Variants in DNASE1 observed in about 807,000 individuals in gnomAD.
DNASE1 encodes deoxyribonuclease 1.
In DNASE1, 40 loss-of-function variants were observed where a neutral mutation model predicts 33.9. The observed-to-expected ratio is 1.18, with a 90% CI of 0.92 to 1.54. The LOEUF (loss-of-function observed/expected upper bound fraction) is 1.54. Ranked by LOEUF, DNASE1 falls within the 40% of genes most tolerant of loss-of-function variation. The probability of loss-of-function intolerance (pLI) is 0.00; values close to 1 mark genes in which losing one functional copy is unlikely to be tolerated. For synonymous variants in DNASE1, 216 were observed against 160.0 expected, an observed-to-expected ratio of 1.35 and a Z score of -2.64; for missense variants, 518 against 372.6, an observed-to-expected ratio of 1.39 and a Z score of -3.21.
chr16:3,657,614 A>G, intron 7 of DNASE1, 106 bp from the exon 8 acceptor site: 3 of 1,488,890 alleles, frequency 2.0e-6, no homozygotes, highest in Non-Finnish European at 1.8e-6. Context: ...GGGCACCCAC[A>G]GACCTGCACT....
chr16:3,640,162 G>C (rs1199480023), upstream of DNASE1, among the ~76,000 whole-genome samples: 1 of 152,194 alleles, frequency 6.6e-6, no homozygotes, highest in Non-Finnish European at 1.5e-5. Context: ...AATATTCCCT[G>C]TGTGAACTCT....
intron 4 of DNASE1, among the ~76,000 whole-genome samples, chr16:3,656,414 G>C (rs902841909): frequency 8.0e-6 from 1 of 125,712 alleles, no homozygotes; most frequent in Non-Finnish European, 1.7e-5. Flanking sequence ...TTGAGCAGGT[G>C]CCTGGCTCCC....
downstream of DNASE1, chr16:3,662,132 C>T (rs202172023): frequency 1.9e-6 from 3 of 1,610,800 alleles, no homozygotes; most frequent in East Asian, 6.7e-5. Context: ...CGGAGGGTCA[C>T]CTGTGAGCAA....
chr16:3,662,342 T>TCCA (rs1293496725), downstream of DNASE1: 19 of 643,768 alleles, frequency 3.0e-5, no homozygotes, highest in Admixed American at 2.7e-4. Flanking sequence ...CCCGAGGGGC[T>TCCA]CCACCACCCT....
Position 3,657,022 on chromosome 16 carries a change from C to G in DNASE1, c.460C>G (p.Pro154Ala), listed in dbSNP as rs1799891. Residue 154 changes from proline to alanine, a missense_variant, in exon 6 of 9, where the codon CCC (proline) becomes GCC (alanine). Transcript: ENST00000246949. ...AGAGGTCAGGGAGTTTGCCATTGTT[C>G]CCCTGCATGCGGCCCCGGGGGACGC... ...FTEVREFAIV[P>A]LHAAPGDAVA... is the part of the protein sequence containing the mutation. 1.7e-3 allele frequency: 2,665 copies of G among 1,613,764 alleles called. 47 individuals carry two copies. In the Admixed American group the frequency reaches 0.028, roughly 17 times the overall value.
intron 1 of DNASE1, 36 bp downstream of exon 1, chr16:3,655,080 C>T (rs540530082): frequency 1.4e-5 from 8 of 586,582 alleles, no homozygotes; most frequent in East Asian, 1.1e-4. Flanking sequence ...GGTGACTGGC[C>T]GGTTTGGAGC....
intron 1 of DNASE1, among the ~76,000 whole-genome samples, chr16:3,645,348 A>G (rs138553102): frequency 6.6e-6 from 1 of 152,084 alleles, no homozygotes; most frequent in Non-Finnish European, 1.5e-5. Flanking sequence ...ATTACTTTTC[A>G]TTGCGACCCT....
At chr16:3,627,715 CA>C (rs1195258937) in intron 1 of DNASE1, among the ~76,000 whole-genome samples, 2 of 152,048 alleles carry the variant, frequency 1.3e-5, no homozygotes, top group African/African-American at 4.8e-5. Context: ...ATCATTTGAC[CA>C]TATATGCCAG....
intron 2 of DNASE1, 135 bp downstream of exon 2, chr16:3,655,655 A>C (rs1355573731): frequency 2.1e-5 from 31 of 1,475,052 alleles, no homozygotes; most frequent in Non-Finnish European, 2.8e-5. Context: ...ACGGTGGAAC[A>C]GGCTCTTGGC....
At chr16:3,659,926 T>C (rs1274680108), downstream of DNASE1, 2 of 152,038 alleles carry the variant, frequency 1.3e-5, no homozygotes, top group Admixed American at 1.3e-4. Flanking sequence ...GTTTTTGTAT[T>C]TTTAGTAGAG....
Position 3,657,732 on chromosome 16 carries a change from A to T in DNASE1, c.717A>T (p.Ala239=). Reference sequence around the variant, plus strand: ...CAACACCCATCAGGATCGTGGTTGCAGGGATGCTGCTCCGAGGCGCCGTTG... The same window carrying T: ...CAACACCCATCAGGATCGTGGTTGCTGGGATGCTGCTCCGAGGCGCCGTTG... ...THCAYDRIVV[A]GMLLRGAVVP... is the part of the protein sequence containing the mutation. The change falls in exon 8 of 9, where the codon GCA becomes GCT. Residue 239 remains alanine, a synonymous_variant. Coordinates refer to ENST00000246949, the MANE Select transcript of DNASE1 (RefSeq NM_005223.4). 1 of 1,613,996 alleles carries T rather than the reference A, an allele frequency of 6.2e-7. No individual in the cohort carries two copies. Among genetic ancestry groups the T allele is most frequent in the Non-Finnish European group, 8.5e-7 (1 of 1,179,968 alleles).
At chr16:3,632,267 C>A (rs1461348404) in intron 1 of DNASE1, among the ~76,000 whole-genome samples, 3 of 152,144 alleles carry the variant, frequency 2.0e-5, no homozygotes, top group African/African-American at 7.2e-5. Context: ...TATGTCCTTA[C>A]TGATTTTCTG....
At chr16:3,628,756 T>TCAC (rs1490178999) in intron 1 of DNASE1, among the ~76,000 whole-genome samples, 3 of 150,352 alleles carry the variant, frequency 2.0e-5, no homozygotes, top group African/African-American at 7.3e-5. Flanking sequence ...AGACGGGGTT[T>TCAC]CACCGTGTTA....
At chr16:3,659,880 A>G (rs1166028512), downstream of DNASE1, 1 of 152,018 alleles carries the variant, frequency 6.6e-6, no homozygotes, top group Non-Finnish European at 1.5e-5. Context: ...CTCCCAAGTA[A>G]CTGGGATTAC....
chr16:3,655,284 C>T (rs1596644021), intron 1 of DNASE1, 89 bp from the exon 2 acceptor site: 2 of 1,576,092 alleles, frequency 1.3e-6, no homozygotes, highest in South Asian at 2.3e-5. Context: ...CTCCACCAGC[C>T]CCTGCCAGCT....
At chr16:3,664,191 G>T (rs1015396297) in exon 10 of DNASE1, 11 of 1,399,992 alleles carry the variant, frequency 7.9e-6, no homozygotes, top group Middle Eastern at 2.6e-4. Context: ...TCTTGGGCAG[G>T]TTCACCCAGC....
chr16:3,656,812 C>A, intron 5 of DNASE1, 59 bp downstream of exon 5: 6 of 1,549,910 alleles, frequency 3.9e-6, no homozygotes, highest in Admixed American at 3.9e-5. Flanking sequence ...TCCACCCCCT[C>A]CTAGGGAACC....
At chr16:3,660,024 A>G (rs74363389), downstream of DNASE1, 6 of 152,168 alleles carry the variant, frequency 3.9e-5, no homozygotes, top group Non-Finnish European at 5.9e-5. Context: ...ACCGCACCCA[A>G]CCTAACAGAG....
At chr16:3,644,883 C>T (rs998356222) in intron 1 of DNASE1, among the ~76,000 whole-genome samples, 6 of 152,138 alleles carry the variant, frequency 3.9e-5, no homozygotes, top group African/African-American at 1.4e-4. Context: ...AATCCCAGCA[C>T]TTTGGGAGGC....
Sources: allele counts gnomAD v4.1 joint callset (sites outside exome capture counted in the v4.1 genomes callset), GRCh38; gene constraint gnomAD v4.1.1; transcripts MANE v1.5; gene names NCBI Gene and HGNC (gene_info 2026-07-23, HGNC 2026-07-21).